Variants in NAA15 observed in about 807,000 individuals in gnomAD.
The protein encoded by NAA15 is N-alpha-acetyltransferase 15, NatA auxiliary subunit.
NAA15 carries 34 observed loss-of-function variants against 114.0 expected under a neutral mutation model. The observed-to-expected ratio is 0.30, with a 90% confidence interval of 0.23 to 0.40. The LOEUF is 0.40. Among genes scored for constraint, NAA15 ranks in the 10% least tolerant of loss-of-function variants. NAA15 has a pLI of 1.00. For missense variants in NAA15, 658 were observed against 1,004.5 expected (o/e 0.66, Z 4.66); for synonymous variants, 340 against 338.0 (o/e 1.01, Z -0.06).
rs887881246 is a variant in NAA15, at chr4:139,357,598, T to G, written c.1257+43T>G. The G allele has an allele frequency of 2.4e-6, 3 of 1,267,522 alleles. No individual in the cohort carries two copies. In the African/African-American group the frequency reaches 4.6e-5, roughly 19 times the overall value. The allele number at this position is 1,267,522 out of a possible 1,614,324, so 78.5% of individuals were successfully genotyped here. ...TATTTTCTTATAAGGTAATGAGACT[T>G]GTCATGAACTTTTTCTCTGTATTTT... On this transcript the variant is annotated intron_variant, in intron 11 of 19. Coordinates refer to ENST00000296543, the MANE Select transcript of NAA15 (RefSeq NM_057175.5).
chr4:139,304,591 C>T (rs1305970489), intron 1 of NAA15, among the ~76,000 whole-genome samples: 1 of 152,078 alleles, frequency 6.6e-6, no homozygotes, highest in Non-Finnish European at 1.5e-5. Context: ...ACTTATAATA[C>T]CTAATGCAAT....
At chr4:139,351,145 T>C (rs1350153470) in intron 7 of NAA15, 46 bp from the exon 8 acceptor site, 1 of 979,134 alleles carries the variant, frequency 1.0e-6, no homozygotes, top group Non-Finnish European at 1.5e-6. Context: ...AGAAAAAATA[T>C]ACAATTTATG....
intron 1 of NAA15, among the ~76,000 whole-genome samples, chr4:139,319,972 CTT>C (rs1188052079): frequency 6.6e-6 from 1 of 152,150 alleles, no homozygotes; most frequent in African/African-American, 2.4e-5. Context: ...TCTTTCTGCT[CTT>C]GAGTCCATAC....
At position 139,354,064 on chromosome 4, in the gene NAA15, C is replaced by G. The variant is rs201462497; in HGVS notation, c.1053C>G (p.Thr351=). The G allele has an allele frequency of 1.9e-6, 3 of 1,613,624 alleles. No individual in the cohort carries two copies. The East Asian group carries it at 6.7e-5, about 36-fold the overall frequency. The part of the protein sequence containing the change: ...IIEELVVGYE[T]SLKSCRLFNP... ...AAGAGTTAGTAGTAGGTTATGAAACCTCTCTAAAAAGCTGCCGGTTATTTA... is the reference window on the plus strand; with the variant it reads ...AAGAGTTAGTAGTAGGTTATGAAACGTCTCTAAAAAGCTGCCGGTTATTTA... The change falls in exon 10 of 20, where the codon ACC becomes ACG. Residue 351 remains threonine, a synonymous_variant. Transcript: ENST00000296543.
rs557556071 is a variant in NAA15, at chr4:139,359,213, G to A, written c.1258-530G>A. On this transcript the variant is annotated intron_variant, in intron 11 of 19. Coordinates refer to ENST00000296543, the MANE Select transcript of NAA15 (RefSeq NM_057175.5). ...GCATGATCTCAGCTCACTGCAACCTGCACCTCCTGGGTTAAAGTGATTCTC... is the reference window on the plus strand; with the variant it reads ...GCATGATCTCAGCTCACTGCAACCTACACCTCCTGGGTTAAAGTGATTCTC... Among the ~76,000 whole-genome samples, 444 of 152,072 alleles carry A rather than the reference G, an allele frequency of 2.9e-3. 3 individuals carry two copies. Among genetic ancestry groups the A allele is most frequent in the African/African-American group, 9.9e-3 (411 of 41,510 alleles).
chr4:139,378,336 T>C (rs1340184991), intron 16 of NAA15, among the ~76,000 whole-genome samples: 7 of 152,080 alleles, frequency 4.6e-5, no homozygotes, highest in African/African-American at 1.4e-4. Context: ...GAGTCACAGA[T>C]TGACAGGAGA....
chr4:139,388,362 T>C lies in NAA15; in HGVS notation c.*278T>C, dbSNP rs1472825884. On this transcript the variant is annotated 3_prime_UTR_variant, in exon 20 of 20. Coordinates refer to ENST00000296543, the MANE Select transcript of NAA15 (RefSeq NM_057175.5). ...ATTCCTCCCCACCCACCCATGTTTT[T>C]AAACTAATTTATATAAAATCTGGAG... is the stretch of plus-strand genomic sequence containing the variant. The C allele has an allele frequency of 4.3e-6, 1 of 230,962 alleles. No individual in the cohort carries two copies. The highest frequency in any genetic ancestry group is 2.3e-5 in the African/African-American group (1 of 43,580). 14.3% of individuals were successfully genotyped at this position (230,962 alleles called of 1,614,324 possible).
intron 1 of NAA15, among the ~76,000 whole-genome samples, chr4:139,315,319 A>G (rs1746374580): frequency 6.6e-6 from 1 of 151,920 alleles, no homozygotes; most frequent in South Asian, 2.1e-4. Flanking sequence ...CAAGAGTTCC[A>G]GGCCAGCCTG....
At chr4:139,319,010 C>T (rs62323074) in intron 1 of NAA15, among the ~76,000 whole-genome samples, 373 of 152,006 alleles carry the variant, frequency 2.5e-3, no homozygotes, top group South Asian at 8.1e-3. Flanking sequence ...TTTTGTAGGC[C>T]GGGTGCTGTG....
At chr4:139,319,063 T>G (rs1468521712) in intron 1 of NAA15, among the ~76,000 whole-genome samples, 1 of 151,818 alleles carries the variant, frequency 6.6e-6, no homozygotes, top group Non-Finnish European at 1.5e-5. Context: ...CCAAGGCTGG[T>G]GGACCAGCTG....
At chr4:139,325,018 G>A (rs1746746815) in intron 1 of NAA15, among the ~76,000 whole-genome samples, 1 of 152,098 alleles carries the variant, frequency 6.6e-6, no homozygotes, top group South Asian at 2.1e-4. Flanking sequence ...CATTAATTGA[G>A]AACATAATCA....
At chr4:139,349,922 G>A (rs1435277175) in intron 7 of NAA15, among the ~76,000 whole-genome samples, 3 of 151,930 alleles carry the variant, frequency 2.0e-5, no homozygotes, top group Admixed American at 1.3e-4. Context: ...GGAGGCAGAG[G>A]TTGCAGTGAG....
In NAA15 at chr4:139,301,687, C is replaced by A. The variant is rs1211055840; in HGVS notation, c.-91C>A. 2 of 1,443,656 alleles carry A rather than the reference C, an allele frequency of 1.4e-6. No homozygotes were observed. Among genetic ancestry groups the A allele is most frequent in the Non-Finnish European group, 1.9e-6 (2 of 1,063,872 alleles). The allele number at this position is 1,443,656 out of a possible 1,614,324, so 89.4% of individuals were successfully genotyped here. A position where few individuals can be genotyped will look rare whatever the true frequency, so the allele number is the denominator to read the frequency against. ...TGGCGGCGGATCGAGATATTCAAGG[C>A]TGAAGCAGCTACGGAACGGCAGCGG... On this transcript the variant is annotated 5_prime_UTR_variant, in exon 1 of 20. It adds an upstream start codon to the 5' untranslated region. Transcript: ENST00000296543.
chr4:139,346,509 GA>G (rs1222514119), intron 6 of NAA15, among the ~76,000 whole-genome samples: 4 of 151,904 alleles, frequency 2.6e-5, no homozygotes, highest in African/African-American at 9.7e-5. Context: ...GATCACTCAG[GA>G]ACTTCTTAGA....
rs573539780 is a variant in NAA15, at chr4:139,318,835, C to G, written c.55-15339C>G. ...CGCCACTGTACTCCAGCCTAGGCGA[C>G]AGACCCCATCTCAAAAAAAAAAAAG... On this transcript the variant is annotated intron_variant, in intron 1 of 19. Coordinates refer to ENST00000296543, the MANE Select transcript of NAA15 (RefSeq NM_057175.5). Among the ~76,000 whole-genome samples the G allele has an allele frequency of 1.1e-4, 16 of 150,300 alleles. No individual in the cohort carries two copies. In the East Asian group the frequency reaches 3.1e-3, roughly 30 times the overall value.
chr4:139,362,860 G>A (rs1748173989), intron 14 of NAA15, among the ~76,000 whole-genome samples: 1 of 152,124 alleles, frequency 6.6e-6, no homozygotes, highest in South Asian at 2.1e-4. Flanking sequence ...CAAAAATGTT[G>A]TAGGAATTGG....
intron 19 of NAA15, among the ~76,000 whole-genome samples, chr4:139,387,422 C>T (rs988928109): frequency 2.0e-5 from 3 of 152,178 alleles, no homozygotes; most frequent in Non-Finnish European, 4.4e-5. Context: ...TTAATTTGAA[C>T]ACAATGTTGA....
At chr4:139,343,567 C>CA (rs1747482947) in intron 5 of NAA15, among the ~76,000 whole-genome samples, 1 of 152,178 alleles carries the variant, frequency 6.6e-6, no homozygotes, top group African/African-American at 2.4e-5. Context: ...GGATGTCCCT[C>CA]AATTTGGATT....
At chr4:139,316,875 A>G (rs1304422504) in intron 1 of NAA15, among the ~76,000 whole-genome samples, 1 of 132,346 alleles carries the variant, frequency 7.6e-6, no homozygotes, top group Non-Finnish European at 1.6e-5. Context: ...GTCTTGTTTT[A>G]GTAGGCCATC....
Sources: allele counts gnomAD v4.1 joint callset (sites outside exome capture counted in the v4.1 genomes callset), GRCh38; gene constraint gnomAD v4.1.1; transcripts MANE v1.5; gene names NCBI Gene and HGNC (gene_info 2026-07-23, HGNC 2026-07-21).